Variants in ADGRL3 observed in about 807,000 individuals in gnomAD.
ADGRL3 encodes the protein calcium-independent alpha-latrotoxin receptor 3.
ADGRL3 carries 62 observed loss-of-function variants against 153.5 expected under a neutral mutation model. That is an observed-to-expected ratio of 0.40 (90% CI 0.33 to 0.50). The LOEUF (loss-of-function observed/expected upper bound fraction) is 0.50. ADGRL3 is among the 20% of genes least tolerant of loss of function. ADGRL3 has a pLI of 0.47. For synonymous variants in ADGRL3, 710 were observed against 672.5 expected (o/e 1.06, Z -0.86); for missense variants, 1,641 against 1,859.4 (o/e 0.88, Z 2.16).
intron 4 of ADGRL3, among the ~76,000 whole-genome samples, chr4:61,571,288 A>G (rs1409689779): frequency 6.6e-6 from 1 of 151,152 alleles, no homozygotes; most frequent in East Asian, 2.0e-4. Context: ...TAGCCTGCAC[A>G]ACATGACAAG....
At chr4:61,723,686 G>A in intron 6 of ADGRL3, among the ~76,000 whole-genome samples, 1 of 152,102 alleles carries the variant, frequency 6.6e-6, no homozygotes. Flanking sequence ...GACACCTGGC[G>A]TATGTGGTGA....
At chr4:61,359,102 T>C (rs1339860487) in intron 1 of ADGRL3, among the ~76,000 whole-genome samples, 1 of 152,192 alleles carries the variant, frequency 6.6e-6, no homozygotes, top group African/African-American at 2.4e-5. Flanking sequence ...ACATCACATA[T>C]AGGATCCATA....
intron 21 of ADGRL3, among the ~76,000 whole-genome samples, chr4:62,010,261 G>A (rs1207404707): frequency 4.6e-5 from 7 of 151,980 alleles, no homozygotes; most frequent in Admixed American, 2.6e-4. Flanking sequence ...TTCTGCGAAC[G>A]AGGCCCCATG....
At chr4:61,555,987 C>G (rs2098764350) in intron 4 of ADGRL3, among the ~76,000 whole-genome samples, 1 of 152,198 alleles carries the variant, frequency 6.6e-6, no homozygotes, top group Middle Eastern at 3.4e-3. Flanking sequence ...TGACCTGTAT[C>G]TTGTGCTGTC....
intron 8 of ADGRL3, among the ~76,000 whole-genome samples, chr4:61,748,379 CA>C (rs1198777625): frequency 5.3e-5 from 8 of 151,468 alleles, no homozygotes; most frequent in African/African-American, 1.2e-4. Context: ...CATATGGAAC[CA>C]AAAAAGAGCC....
chr4:61,963,632 T>G (rs1181079992), intron 17 of ADGRL3, among the ~76,000 whole-genome samples: 1 of 152,218 alleles, frequency 6.6e-6, no homozygotes, highest in African/African-American at 2.4e-5. Context: ...ATAGTGTATA[T>G]GTACCACATT....
intron 13 of ADGRL3, among the ~76,000 whole-genome samples, chr4:61,933,225 A>AAG (rs1320525162): frequency 6.6e-6 from 1 of 152,104 alleles, no homozygotes; most frequent in Non-Finnish European, 1.5e-5. Context: ...CTTTACACTG[A>AAG]AGAGGTCCAA....
chr4:61,690,356 T>C (rs1056021493), intron 6 of ADGRL3, among the ~76,000 whole-genome samples: 5 of 151,986 alleles, frequency 3.3e-5, no homozygotes, highest in Admixed American at 3.3e-4. Flanking sequence ...AGTTGGAAGA[T>C]TGCTTGAGCC....
chr4:61,254,466 T>G (rs1401489716), intron 1 of ADGRL3, among the ~76,000 whole-genome samples: 3 of 152,310 alleles, frequency 2.0e-5, no homozygotes, highest in African/African-American at 4.8e-5. Context: ...GATAAATAAA[T>G]AAGAATGACA....
chr4:61,465,768 T>TATATATATATAG (rs2097873575), intron 2 of ADGRL3, among the ~76,000 whole-genome samples: 1 of 145,854 alleles, frequency 6.9e-6, no homozygotes, highest in Admixed American at 6.9e-5. Context: ...AATATATATA[T>TATATATATATAG]ATATATATAT....
At chr4:61,711,512 A>ACT (rs2095991550) in intron 6 of ADGRL3, among the ~76,000 whole-genome samples, 1 of 140,134 alleles carries the variant, frequency 7.1e-6, no homozygotes, top group Non-Finnish European at 1.5e-5. Flanking sequence ...ACACACACAC[A>ACT]CAATAGCATG....
chr4:61,492,201 C>A (rs979865890), intron 2 of ADGRL3, among the ~76,000 whole-genome samples: 2 of 151,856 alleles, frequency 1.3e-5, no homozygotes, highest in Non-Finnish European at 2.9e-5. Context: ...AAGTATATGA[C>A]AAATATGAGT....
chr4:61,851,732 G>A (rs1467408849), intron 9 of ADGRL3, among the ~76,000 whole-genome samples: 1 of 150,960 alleles, frequency 6.6e-6, no homozygotes, highest in African/African-American at 2.5e-5. Flanking sequence ...CCTAAAAGTA[G>A]ATTTTAAAGT....
At chr4:61,968,541 T>A (rs376652617) in intron 17 of ADGRL3, among the ~76,000 whole-genome samples, 2 of 152,174 alleles carry the variant, frequency 1.3e-5, no homozygotes, top group East Asian at 3.9e-4. Context: ...TTTTAACATA[T>A]TTTTATGGCC....
At chr4:61,955,927 A>G (rs952350778) in intron 17 of ADGRL3, among the ~76,000 whole-genome samples, 10 of 152,034 alleles carry the variant, frequency 6.6e-5, no homozygotes, top group African/African-American at 2.4e-4. Context: ...TTTTTTATCC[A>G]GTCTATCATT....
chr4:62,034,949 A>G (rs1345209060), intron 23 of ADGRL3, among the ~76,000 whole-genome samples: 1 of 151,882 alleles, frequency 6.6e-6, no homozygotes, highest in East Asian at 1.9e-4. Context: ...TGTCTTCTAT[A>G]TTCTAGAACA....
intron 2 of ADGRL3, among the ~76,000 whole-genome samples, chr4:61,399,704 A>C (rs1000515493): frequency 6.6e-6 from 1 of 151,722 alleles, no homozygotes; most frequent in Non-Finnish European, 1.5e-5. Context: ...TCTACTCTAA[A>C]AATTGAGAGT....
At chr4:62,041,325 A>C (rs573824686) in intron 24 of ADGRL3, among the ~76,000 whole-genome samples, 1 of 152,008 alleles carries the variant, frequency 6.6e-6, no homozygotes, top group Non-Finnish European at 1.5e-5. Context: ...AATGGGTGTA[A>C]CTTTTTTTAA....
chr4:61,476,705 GTC>G (rs2098061102), intron 2 of ADGRL3, among the ~76,000 whole-genome samples: 1 of 57,400 alleles, frequency 1.7e-5, no homozygotes, highest in Non-Finnish European at 2.9e-5. Flanking sequence ...GCAAGACTCT[GTC>G]TAAAAAAAAA....
Sources: allele counts gnomAD v4.1 joint callset (sites outside exome capture counted in the v4.1 genomes callset), GRCh38; gene constraint gnomAD v4.1.1; transcripts MANE v1.5; gene names NCBI Gene and HGNC (gene_info 2026-07-23, HGNC 2026-07-21).